ADGRG1: variants seen among roughly 807,000 people sequenced by gnomAD.
ADGRG1 encodes 7-transmembrane protein with no EGF-like N-terminal domains-1.
ADGRG1 carries 53 observed loss-of-function variants against 73.5 expected under a neutral mutation model. The ratio of observed to expected loss-of-function variants is 0.72; its 90% CI spans 0.58 to 0.91. ADGRG1 has a LOEUF of 0.91. Among genes scored for constraint, ADGRG1 ranks in the 40% least tolerant of loss-of-function variants. The pLI is 0.00. For synonymous variants in ADGRG1, 394 were observed against 374.4 expected, an observed-to-expected ratio of 1.05 and a Z score of -0.60; for missense variants, 795 against 871.8, an observed-to-expected ratio of 0.91 and a Z score of 1.11.
At chr16:57,656,426 G>C in intron 8 of ADGRG1, 88 bp from the exon 9 acceptor site, 1 of 1,605,038 alleles carries the variant, frequency 6.2e-7, no homozygotes, top group Non-Finnish European at 8.5e-7. Context: ...CCGGGTGGAA[G>C]AATGACACAG....
chr16:57,635,962 C>A (rs2039252077), intron 1 of ADGRG1: 3 of 985,386 alleles, frequency 3.0e-6, no homozygotes, highest in Non-Finnish European at 3.6e-6. Flanking sequence ...CCCTGCCCTG[C>A]CCCAGCTCTG....
intron 1 of ADGRG1, chr16:57,631,011 G>T (rs976933804): frequency 3.2e-5 from 32 of 986,192 alleles, no homozygotes; most frequent in Non-Finnish European, 3.9e-5. Flanking sequence ...GGCAGGTGCT[G>T]TGTGGGGCTG....
chr16:57,624,094 C>T (rs1314268177), upstream of ADGRG1: 1 of 521,980 alleles, frequency 1.9e-6, no homozygotes, highest in African/African-American at 2.1e-5. Flanking sequence ...ATGATGTTGG[C>T]CAAGATTTAT....
chr16:57,633,765 C>A (rs2038630195), intron 1 of ADGRG1, among the ~76,000 whole-genome samples: 1 of 152,192 alleles, frequency 6.6e-6, no homozygotes, highest in Non-Finnish European at 1.5e-5. Context: ...GGGCCATGAC[C>A]AAGCCTTGTT....
At chr16:57,624,129 T>C, upstream of ADGRG1, 1 of 851,968 alleles carries the variant, frequency 1.2e-6, no homozygotes, top group Non-Finnish European at 1.4e-6. Context: ...GTGCCTTGCA[T>C]TGTGCTCAAT....
chr16:57,629,909 G>C (rs2037273610), intron 1 of ADGRG1: 2 of 636,002 alleles, frequency 3.1e-6, no homozygotes, highest in Non-Finnish European at 3.9e-6. Context: ...GGAGAGGTCT[G>C]ATGTTCATTT....
intron 11 of ADGRG1, 62 bp downstream of exon 11, chr16:57,659,743 A>T (rs2046623860): frequency 1.3e-6 from 2 of 1,577,512 alleles, no homozygotes; most frequent in East Asian, 4.5e-5. Context: ...GGCAAAACCC[A>T]GGCACCTGGT....
intron 1 of ADGRG1, chr16:57,646,600 T>C: frequency 2.0e-6 from 2 of 985,174 alleles, no homozygotes; most frequent in African/African-American, 3.5e-5. Flanking sequence ...TCTGCTACTC[T>C]CCATTCTCCT....
intron 4 of ADGRG1, 172 bp downstream of exon 4, chr16:57,653,507 C>T (rs1412155366): frequency 2.0e-6 from 2 of 985,174 alleles, no homozygotes; most frequent in African/African-American, 3.5e-5. Context: ...CCAGGCTGAG[C>T]CCTCTCCTGT....
chr16:57,622,790 CTTCT>C, upstream of ADGRG1: 9 of 985,378 alleles, frequency 9.1e-6, no homozygotes, highest in Non-Finnish European at 1.1e-5. Context: ...CACTGTCTAC[CTTCT>C]ATCTCAGGCA....
At chr16:57,638,837 C>T (rs547930184) in intron 1 of ADGRG1, among the ~76,000 whole-genome samples, 7 of 152,114 alleles carry the variant, frequency 4.6e-5, no homozygotes, top group Admixed American at 1.3e-4. Context: ...TTTGGGAGGC[C>T]GAGGCGGGCA....
At chr16:57,662,832 G>T (rs1252587357) in intron 13 of ADGRG1, 2 of 557,176 alleles carry the variant, frequency 3.6e-6, no homozygotes, top group Non-Finnish European at 4.6e-6. Flanking sequence ...GTTCCTGGCC[G>T]TGCAGAATGG....
rs1043567401 is a variant in ADGRG1 at position 57,659,021 on chromosome 16, C to T, written c.1287-392C>T. On this transcript the variant is annotated intron_variant, in intron 10 of 13. Transcript: ENST00000562631. The stretch of plus-strand genomic sequence containing the variant: ...CCGATGCGGGCAGCCCACACTCAGA[C>T]TCACAGGTGCACAGTTGTGCAGACA... 4 of 985,048 alleles carry T rather than the reference C, an allele frequency of 4.1e-6. No individual in the cohort carries two copies. The African/African-American group carries it at 7.0e-5, about 17-fold the overall frequency. The allele number at this position is 985,048 out of a possible 1,614,324, so 61.0% of individuals were successfully genotyped here.
chr16:57,639,807 C>T (rs1465436659), intron 1 of ADGRG1: 14 of 844,190 alleles, frequency 1.7e-5, no homozygotes, highest in African/African-American at 1.9e-5. Flanking sequence ...CCCATCCCTT[C>T]CCCTTTATCT....
intron 1 of ADGRG1, chr16:57,643,842 T>C: frequency 5.2e-6 from 5 of 965,062 alleles, no homozygotes; most frequent in South Asian, 4.9e-5. Flanking sequence ...GGGAGGAGAG[T>C]GCTTCTGCCT....
At chr16:57,655,836 ACTCC>A in intron 6 of ADGRG1, 36 bp from the exon 7 acceptor site, 1 of 1,613,762 alleles carries the variant, frequency 6.2e-7, no homozygotes, top group Non-Finnish European at 8.5e-7. Flanking sequence ...TCAGTCCTGA[ACTCC>A]CTCCCTACTC....
At chr16:57,660,106 G>A in intron 11 of ADGRG1, 2 of 253,840 alleles carry the variant, frequency 7.9e-6, no homozygotes, top group Non-Finnish European at 1.2e-5. Flanking sequence ...TTGGCATTTT[G>A]TTCTTGGCCA....
rs1801255 is a variant in ADGRG1 at position 57,655,893 on chromosome 16, A to C, written c.918A>C (p.Gln306His). ...QALFQDKNSS[Q>H]VLGEKVLGIV... ...GTATCTAGGACAAGAATTCCAGCCA[A>C]GTCCTGGGTGAGAAGGTCTTGGGGA... The change falls in exon 7 of 14, where the codon CAA (glutamine) becomes CAC (histidine). Residue 306 changes from glutamine to histidine, a missense_variant. Gln to His is a conservative substitution (Grantham distance 24). Coordinates refer to ENST00000562631, the MANE Select transcript of ADGRG1 (RefSeq NM_201525.4). 371,163 of 1,613,744 alleles carry C rather than the reference A, an allele frequency of 0.23. 46,637 individuals are homozygous for C. Among genetic ancestry groups the C allele is most frequent in the Non-Finnish European group, 0.26 (301,662 of 1,179,692 alleles).
At chr16:57,639,891 A>G (rs1283887837) in intron 1 of ADGRG1, 11 of 973,690 alleles carry the variant, frequency 1.1e-5, no homozygotes, top group Non-Finnish European at 1.3e-5. Flanking sequence ...TGGTGGCACT[A>G]GGGACCCTGG....
Sources: allele counts gnomAD v4.1 joint callset (sites outside exome capture counted in the v4.1 genomes callset), GRCh38; gene constraint gnomAD v4.1.1; transcripts MANE v1.5; gene names NCBI Gene and HGNC (gene_info 2026-07-23, HGNC 2026-07-21).